The following CDH3 variants were observed in gnomAD, a reference collection of about 807,000 sequenced individuals.
CDH3 encodes cadherin-3.
CDH3 carries 54 observed loss-of-function variants against 82.0 expected under a neutral mutation model. The ratio of observed to expected loss-of-function variants is 0.66; its 90% CI spans 0.53 to 0.83. CDH3 has a LOEUF of 0.83. CDH3 is among the 40% of genes least tolerant of loss of function. The probability of loss-of-function intolerance (pLI) is 0.00; values close to 1 mark genes in which losing one functional copy is unlikely to be tolerated. For synonymous variants in CDH3, 446 were observed against 437.9 expected, an observed-to-expected ratio of 1.02 and a Z score of -0.23; for missense variants, 1,054 against 1,084.6, an observed-to-expected ratio of 0.97 and a Z score of 0.40.
chr16:68,717,442 T>G lies in CDH3; in HGVS notation c.100-4983T>G, dbSNP rs1168667224. 1.3e-5 allele frequency among the ~76,000 whole-genome samples: 2 copies of G among 152,164 alleles called. 1 individual carries two copies. Among genetic ancestry groups the G allele is most frequent in the East Asian group, 3.9e-4 (2 of 5,192 alleles). ...CCAAACTCATGTTGAAATTTAGTTGTCAGTGTAACAGTGTTAGGAAGCAGT... is the reference window on the plus strand; with the variant it reads ...CCAAACTCATGTTGAAATTTAGTTGGCAGTGTAACAGTGTTAGGAAGCAGT... On this transcript the variant is annotated intron_variant, in intron 1 of 2. Transcript: ENST00000569080.
chr16:68,682,189 C>A, intron 8 of CDH3, 113 bp from the exon 9 acceptor site: 1 of 1,227,936 alleles, frequency 8.1e-7, no homozygotes, highest in Non-Finnish European at 1.2e-6. Flanking sequence ...GGTGGGTGGT[C>A]CAGGAAAGGG....
At chr16:68,647,613 G>T (rs1960114894) in intron 2 of CDH3, among the ~76,000 whole-genome samples, 1 of 152,160 alleles carries the variant, frequency 6.6e-6, no homozygotes, top group African/African-American at 2.4e-5. Context: ...CTGCCACACG[G>T]CTGGGTCTTA....
rs1031853310 is a variant in CDH3 at position 68,707,770 on chromosome 16, G to A, written c.99+11847G>A. 6.6e-6 allele frequency among the ~76,000 whole-genome samples: 1 copy of A among 152,038 alleles called. No homozygotes were observed. The highest frequency in any genetic ancestry group is 1.5e-5 in the Non-Finnish European group (1 of 67,998). On this transcript the variant is annotated intron_variant, in intron 1 of 2. Transcript: ENST00000569080. This position sits in a 1 kb window ranked among gnomAD's most constrained non-coding sequence, Gnocchi z 4.5. ...TCGCTTGGTATTAGGCCCTCTCCAA[G>A]TTAGAGGTGGGGTGGGAAGCCACCC... is the stretch of plus-strand genomic sequence containing the variant.
At chr16:68,669,553 A>G (rs542601906) in intron 2 of CDH3, among the ~76,000 whole-genome samples, 5 of 149,428 alleles carry the variant, frequency 3.3e-5, no homozygotes, top group Admixed American at 1.4e-4. Flanking sequence ...TGAGTTGTAC[A>G]CTCTAGTGGG....
At chr16:68,682,729 C>T (rs1020407997) in intron 9 of CDH3, among the ~76,000 whole-genome samples, 2 of 152,152 alleles carry the variant, frequency 1.3e-5, no homozygotes, top group Non-Finnish European at 2.9e-5. Flanking sequence ...AGTGGAGCCT[C>T]CTCCCAGACC....
intron 2 of CDH3, among the ~76,000 whole-genome samples, chr16:68,653,987 G>T (rs1350376939): frequency 6.6e-6 from 1 of 151,958 alleles, no homozygotes; most frequent in East Asian, 1.9e-4. Flanking sequence ...AAAGTGCAGG[G>T]ATTACAGGCG....
chr16:68,721,670 T>C lies in CDH3; in HGVS notation c.100-755T>C, dbSNP rs545335806. Reference sequence around the variant, plus strand: ...GGCTAGACTAAGCTCTTCTCCCTTCTGGGCCTTTGCCCAGGTGGTGACTTC... The same window carrying C: ...GGCTAGACTAAGCTCTTCTCCCTTCCGGGCCTTTGCCCAGGTGGTGACTTC... On this transcript the variant is annotated intron_variant, in intron 1 of 2. Coordinates refer to the CDH3 transcript ENST00000569080. 1.6e-4 allele frequency among the ~76,000 whole-genome samples: 25 copies of C among 152,360 alleles called. 1 individual carries two copies. The highest frequency in any genetic ancestry group is 4.1e-4 in the African/African-American group (17 of 41,596).
chr16:68,676,056 G>C (rs562596907), intron 2 of CDH3, among the ~76,000 whole-genome samples: 9 of 152,112 alleles, frequency 5.9e-5, no homozygotes, highest in Non-Finnish European at 1.3e-4. Context: ...CTCTAGCTAT[G>C]ACCTTAGTCA....
At chr16:68,661,247 A>T (rs1960567939) in intron 2 of CDH3, among the ~76,000 whole-genome samples, 1 of 152,192 alleles carries the variant, frequency 6.6e-6, no homozygotes, top group Non-Finnish European at 1.5e-5. Context: ...CTGTATTATA[A>T]TGTATAGAGT....
chr16:68,657,543 G>A (rs749210569), intron 2 of CDH3, among the ~76,000 whole-genome samples: 5 of 152,144 alleles, frequency 3.3e-5, no homozygotes, highest in Admixed American at 1.3e-4. Context: ...TTTCTCCCTC[G>A]ACCCCATCTT....
intron 11 of CDH3, among the ~76,000 whole-genome samples, chr16:68,687,122 T>C (rs1201702652): frequency 6.6e-6 from 1 of 152,098 alleles, no homozygotes; most frequent in Non-Finnish European, 1.5e-5. Flanking sequence ...CCATAACAGA[T>C]GGGAGGTTAT....
rs748477392 is a variant in CDH3 at position 68,676,417 on chromosome 16, C to G, written c.193C>G (p.Leu65Val). 1 of 1,614,142 alleles carries G rather than the reference C, an allele frequency of 6.2e-7. No individual in the cohort carries two copies. Residue 65 changes from leucine to valine, a missense_variant, in exon 3 of 16, where the codon CTG becomes GTG. By Grantham distance (32) the Leu-to-Val change is conservative. Transcript: ENST00000264012. ...FMGCPGQEPA[L>V]FSTDNDDFTV... is the part of the protein sequence containing the mutation. ...GGGCTGCCCTGGGCAAGAGCCAGCTCTGTTTAGCACTGATAATGATGACTT... is the reference window on the plus strand; with the variant it reads ...GGGCTGCCCTGGGCAAGAGCCAGCTGTGTTTAGCACTGATAATGATGACTT...
rs762155075 is a variant in CDH3, at chr16:68,713,030, C to A, written c.100-9395C>A. ...CCCTCGCAGCCAGTGCAGCATCCTC[C>A]CTTTCTGATCTGTCTCCCCTCCTCC... On this transcript the variant is annotated intron_variant, in intron 1 of 2. Coordinates refer to the CDH3 transcript ENST00000569080. Among the ~76,000 whole-genome samples the A allele has an allele frequency of 3.7e-4, 57 of 152,094 alleles. 1 individual carries two copies. The highest frequency in any genetic ancestry group is 6.0e-4 in the Non-Finnish European group (41 of 68,018).
chr16:68,659,249 C>T (rs1447372948), intron 2 of CDH3, among the ~76,000 whole-genome samples: 1 of 152,044 alleles, frequency 6.6e-6, no homozygotes, highest in Admixed American at 6.6e-5. Context: ...AACTCTACTG[C>T]CTGTCAATAG....
At chr16:68,698,059 C>G in intron 15 of CDH3, 132 bp from the exon 16 acceptor site, 1 of 816,096 alleles carries the variant, frequency 1.2e-6, no homozygotes, top group Non-Finnish European at 2.1e-6. Context: ...GCATGAATAA[C>G]GCATTCTTTC....
intron 2 of CDH3, among the ~76,000 whole-genome samples, chr16:68,659,154 A>G (rs1206985594): frequency 6.6e-6 from 1 of 152,200 alleles, no homozygotes; most frequent in Non-Finnish European, 1.5e-5. Flanking sequence ...AGGCCAGAGA[A>G]GTTAAGTAAC....
chr16:68,653,746 G>C (rs1367457892), intron 2 of CDH3, among the ~76,000 whole-genome samples: 2 of 147,776 alleles, frequency 1.4e-5, no homozygotes, highest in Non-Finnish European at 3.0e-5. Flanking sequence ...CTGGAGTGCA[G>C]TGGCCTGATC....
chr16:68,692,070 T>C, intron 13 of CDH3, 144 bp downstream of exon 13: 1 of 639,222 alleles, frequency 1.6e-6, no homozygotes, highest in Non-Finnish European at 2.7e-6. Context: ...AGGGTCTCAC[T>C]CTGTCACCCA....
At position 68,687,687 on chromosome 16, in the gene CDH3, G is replaced by A. The variant is rs982972135; in HGVS notation, c.1746G>A (p.Gln582=). ...CCCACACCTCCCCTTTCCAGGCCCA[G>A]CTCACAGATGACTCAGACATCTACT... is the stretch of plus-strand genomic sequence containing the variant. ...LSPHTSPFQA[Q]LTDDSDIYWT... The change falls in exon 12 of 16, where the codon CAG becomes CAA. Residue 582 remains glutamine, a synonymous_variant. Transcript: ENST00000264012. 1.9e-6 allele frequency: 3 copies of A among 1,614,062 alleles called. No homozygotes were observed. The Admixed American group carries it at 5.0e-5, about 27-fold the overall frequency.
Sources: allele counts gnomAD v4.1 joint callset (sites outside exome capture counted in the v4.1 genomes callset), GRCh38; gene constraint gnomAD v4.1.1; non-coding constraint Gnocchi (gnomAD v3.1); transcripts MANE v1.5; gene names NCBI Gene and HGNC (gene_info 2026-07-23, HGNC 2026-07-21).